The following BLK variants were observed in gnomAD, a reference collection of about 807,000 sequenced individuals.
BLK encodes tyrosine-protein kinase Blk.
In BLK, 64 loss-of-function variants were observed where a neutral mutation model predicts 61.8. That is an observed-to-expected ratio of 1.03 (90% CI 0.85 to 1.27). The LOEUF (loss-of-function observed/expected upper bound fraction) is 1.27, where lower values mean the gene tolerates loss of function less well. Ranked by LOEUF, BLK falls within the 50% of genes most tolerant of loss-of-function variation. The probability of loss-of-function intolerance (pLI) is 0.00; values close to 1 mark genes in which losing one functional copy is unlikely to be tolerated. For synonymous variants in BLK, 351 were observed against 272.0 expected (o/e 1.29, Z -2.86); for missense variants, 853 against 660.5 (o/e 1.29, Z -3.19).
intron 1 of BLK, among the ~76,000 whole-genome samples, chr8:11,521,366 C>T (rs908454441): frequency 2.6e-5 from 4 of 152,248 alleles, no homozygotes; most frequent in African/African-American, 4.8e-5. Context: ...TTATGGCTCA[C>T]TGCAGCCTTG....
At chr8:11,520,352 C>T (rs1214591649) in intron 1 of BLK, among the ~76,000 whole-genome samples, 1 of 151,640 alleles carries the variant, frequency 6.6e-6, no homozygotes, top group Non-Finnish European at 1.5e-5. Context: ...TGGTGCATGC[C>T]TGTAGTCCCA....
In BLK at chr8:11,555,387, G is replaced by A. The variant is rs761122806; in HGVS notation, c.675G>A (p.Pro225=). 54 of 1,613,994 alleles carry A rather than the reference G, an allele frequency of 3.3e-5. No individual in the cohort carries two copies. Among genetic ancestry groups the A allele is most frequent in the African/African-American group, 2.0e-4 (15 of 74,902 alleles). The change falls in exon 8 of 13, where the codon CCG becomes CCA. Residue 225 remains proline (P), a synonymous_variant. Transcript: ENST00000259089. ...RLTLPCVRPA[P]QNPWAQDEWE... The stretch of plus-strand genomic sequence containing the variant: ...CCCTGCCCTGTGTGCGCCCGGCCCC[G>A]CAGAATCCCTGGGCCCAGGATGAAT...
intron 1 of BLK, among the ~76,000 whole-genome samples, chr8:11,504,367 G>GAAAGAAAGAAAAGAAAAGAAAAGA (rs1554540060): frequency 1.0e-4 from 4 of 39,360 alleles, no homozygotes; most frequent in Non-Finnish European, 2.1e-4. Context: ...AAGGAAGGAA[G>GAAAGAAAGAAAAGAAAAGAAAAGA]AAAGAAAAGA....
intron 1 of BLK, among the ~76,000 whole-genome samples, chr8:11,501,675 T>A (rs1190722568): frequency 6.6e-6 from 1 of 152,178 alleles, no homozygotes; most frequent in African/African-American, 2.4e-5. Context: ...GGTGATTGAG[T>A]CTCATAGAAA....
intron 1 of BLK, among the ~76,000 whole-genome samples, chr8:11,523,372 G>A (rs1563438352): frequency 6.6e-6 from 1 of 152,098 alleles, no homozygotes; most frequent in South Asian, 2.1e-4. Context: ...TGGCGAACAT[G>A]GAGATACCCC....
chr8:11,523,643 T>C (rs1426862236), intron 1 of BLK, among the ~76,000 whole-genome samples: 2 of 152,170 alleles, frequency 1.3e-5, no homozygotes, highest in Non-Finnish European at 2.9e-5. Flanking sequence ...AAATTACACA[T>C]ATTTATCACA....
At position 11,548,017 on chromosome 8, in the gene BLK, C is replaced by T. The variant is rs751513153; in HGVS notation, c.176-15C>T. 1 of 1,612,250 alleles carries T rather than the reference C, an allele frequency of 6.2e-7. No individual in the cohort carries two copies. The highest frequency in any genetic ancestry group is 1.3e-5 in the African/African-American group (1 of 74,978). On this transcript the variant is annotated splice_polypyrimidine_tract_variant and intron_variant, in intron 3 of 12. Transcript: ENST00000259089. ...TGGGCCTGAGTGGTGGTCATCTCTC[C>T]CTTGTTCATTTTAGACAAGCATTTC...
intron 1 of BLK, among the ~76,000 whole-genome samples, chr8:11,496,539 G>C (rs535687896): frequency 3.9e-5 from 6 of 152,326 alleles, no homozygotes; most frequent in African/African-American, 1.4e-4. Flanking sequence ...CACTGTGACT[G>C]GCCCAGCATG....
Position 11,525,732 on chromosome 8 carries a change from C to T in BLK, c.-1-17492C>T, listed in dbSNP as rs112725192. ...CCCTCCTCAGAAGCAAGGAATGGAG[C>T]AGCTTTTGTGGGGTTTTTTGTTTTT... On this transcript the variant is annotated intron_variant, in intron 1 of 12. Coordinates refer to ENST00000259089, the MANE Select transcript of BLK (RefSeq NM_001715.3). 6.4e-3 allele frequency among the ~76,000 whole-genome samples: 976 copies of T among 152,262 alleles called. 3 individuals carry two copies. Among genetic ancestry groups the T allele is most frequent in the Middle Eastern group, 0.014 (4 of 294 alleles).
At chr8:11,506,966 C>T (rs1417761628) in intron 1 of BLK, among the ~76,000 whole-genome samples, 1 of 152,210 alleles carries the variant, frequency 6.6e-6, no homozygotes, top group African/African-American at 2.4e-5. Flanking sequence ...TTCTGCTTTC[C>T]TGTGACAATG....
rs564267719 is a variant in BLK at position 11,550,569 on chromosome 8, G to T, written c.472+307G>T. Among the ~76,000 whole-genome samples, 12 of 152,388 alleles carry T rather than the reference G, an allele frequency of 7.9e-5. No homozygotes were observed. In the South Asian group the frequency reaches 2.1e-3, roughly 26 times the overall value. ...GAGGCCAGTGGGGGCCAGGGAAGGG[G>T]GAACCCTGAGCCCTTAACCACCAGC... is the stretch of plus-strand genomic sequence containing the variant. On this transcript the variant is annotated intron_variant, in intron 6 of 12. Transcript: ENST00000259089.
intron 9 of BLK, 137 bp from the exon 10 acceptor site, chr8:11,557,825 C>A (rs1419595671): frequency 2.7e-6 from 2 of 730,628 alleles, no homozygotes; most frequent in African/African-American, 1.7e-5. Flanking sequence ...GTAGATCCTT[C>A]CTGATGCACC....
intron 1 of BLK, among the ~76,000 whole-genome samples, chr8:11,502,359 A>G (rs1437721738): frequency 6.6e-6 from 1 of 151,590 alleles, no homozygotes; most frequent in Non-Finnish European, 1.5e-5. Flanking sequence ...GCTGCAGTGC[A>G]GTGGCACGAT....
intron 12 of BLK, among the ~76,000 whole-genome samples, chr8:11,563,628 C>G (rs556119563): frequency 6.6e-6 from 1 of 152,316 alleles, no homozygotes; most frequent in Non-Finnish European, 1.5e-5. Context: ...CACAGGTAAT[C>G]AAGAGAGGGA....
chr8:11,560,181 GCATGGATGGATGGATGGA>G lies in BLK; in HGVS notation c.1030-1120_1030-1103del, dbSNP rs1239138182. On this transcript the variant is annotated intron_variant, in intron 10 of 12. Coordinates refer to ENST00000259089, the MANE Select transcript of BLK (RefSeq NM_001715.3). ...TGGGTGGGTGGGTGGATGGATGGAT[GCATGGATGGATGGATGGA>G]TGGATGGATGGATGGATGCATGCAT... Among the ~76,000 whole-genome samples, 3 of 56,810 alleles carry G rather than the reference GCATGGATGGATGGATGGA, an allele frequency of 5.3e-5. No individual in the cohort carries two copies. In the East Asian group the frequency reaches 0.014, roughly 268 times the overall value. 37.3% of individuals were successfully genotyped at this position (56,810 alleles called of 152,430 possible). A position where few individuals can be genotyped will look rare whatever the true frequency, so the allele number is the denominator to read the frequency against.
chr8:11,563,840 A>C, intron 12 of BLK, 63 bp from the exon 13 acceptor site: 1 of 1,485,698 alleles, frequency 6.7e-7, no homozygotes, highest in Non-Finnish European at 9.1e-7. Flanking sequence ...CGGGACGCTC[A>C]GGGCCCCCCA....
At chr8:11,512,122 G>T (rs977969565) in intron 1 of BLK, among the ~76,000 whole-genome samples, 1 of 152,222 alleles carries the variant, frequency 6.6e-6, no homozygotes, top group African/African-American at 2.4e-5. Context: ...CTCAGGAGGA[G>T]TCTGGTTTAG....
At chr8:11,520,675 A>G (rs1408321935) in intron 1 of BLK, among the ~76,000 whole-genome samples, 1 of 152,262 alleles carries the variant, frequency 6.6e-6, no homozygotes, top group Middle Eastern at 3.4e-3. Context: ...TAACATTGAG[A>G]TAATTTAACT....
chr8:11,539,968 C>G (rs1265820589), intron 1 of BLK, among the ~76,000 whole-genome samples: 2 of 152,126 alleles, frequency 1.3e-5, no homozygotes, highest in Non-Finnish European at 2.9e-5. Flanking sequence ...TGATGCTTTG[C>G]AATCTCTTAC....
Sources: gnomAD v4.1 joint callset for allele counts (sites outside exome capture counted in the v4.1 genomes callset) on GRCh38, gnomAD v4.1.1 for gene constraint, MANE v1.5 for transcripts, NCBI Gene and HGNC (gene_info 2026-07-23, HGNC 2026-07-21) for gene names.